Variants in SHISA9 observed in about 807,000 individuals in gnomAD.
SHISA9 encodes the protein shisa family member 9, also known as protein shisa-9.
Under a neutral mutation model 38.0 loss-of-function variants are expected in SHISA9, and 13 were observed. The ratio of observed to expected loss-of-function variants is 0.34; its 90% CI spans 0.22 to 0.54. SHISA9 has a LOEUF of 0.54. SHISA9 is among the 20% of genes least tolerant of loss of function. The pLI, the probability that SHISA9 is intolerant of heterozygous loss-of-function variation, is 0.91. For synonymous variants in SHISA9, 275 were observed against 242.0 expected, an observed-to-expected ratio of 1.14 and a Z score of -1.27; for missense variants, 538 against 575.8, an observed-to-expected ratio of 0.93 and a Z score of 0.67.
the SHISA9 span, among the ~76,000 whole-genome samples, chr16:13,382,815 G>A: frequency 6.6e-6 from 1 of 152,298 alleles, no homozygotes; most frequent in South Asian, 2.1e-4. Flanking sequence ...CCGAGATCAT[G>A]CCACTGCACT....
intron 2 of SHISA9, among the ~76,000 whole-genome samples, chr16:13,106,490 A>G (rs951246004): frequency 6.6e-6 from 1 of 152,150 alleles, no homozygotes; most frequent in Non-Finnish European, 1.5e-5. Flanking sequence ...GACATGATGC[A>G]TGTTTGGTGT....
intron 2 of SHISA9, among the ~76,000 whole-genome samples, chr16:12,975,660 G>GC (rs1279582978): frequency 6.7e-6 from 1 of 149,086 alleles, no homozygotes; most frequent in Non-Finnish European, 1.5e-5. Context: ...CGGGGGCGGG[G>GC]GGGGTAAGGG....
At chr16:13,069,872 G>T (rs1486900970) in intron 2 of SHISA9, among the ~76,000 whole-genome samples, 1 of 152,154 alleles carries the variant, frequency 6.6e-6, no homozygotes, top group Non-Finnish European at 1.5e-5. Context: ...AGGACACAGT[G>T]AGAAGAGAGG....
the SHISA9 span, among the ~76,000 whole-genome samples, chr16:13,475,835 C>G: frequency 6.6e-6 from 1 of 152,152 alleles, no homozygotes; most frequent in African/African-American, 2.4e-5. Flanking sequence ...GTTAGATTTT[C>G]ATAAGGAACA....
chr16:13,032,249 C>T (rs1373845747), intron 2 of SHISA9, among the ~76,000 whole-genome samples: 2 of 152,072 alleles, frequency 1.3e-5, no homozygotes, highest in African/African-American at 4.8e-5. Context: ...GGTTCAATTC[C>T]CACTTATGAG....
chr16:13,301,829 C>A, the SHISA9 span, among the ~76,000 whole-genome samples: 74 of 152,274 alleles, frequency 4.9e-4, 1 homozygote, highest in Middle Eastern at 0.024. Flanking sequence ...CTGACTCTAC[C>A]AAACTTATTC....
At chr16:13,458,555 A>G in the SHISA9 span, 2 of 424,866 alleles carry the variant, frequency 4.7e-6, no homozygotes, top group Non-Finnish European at 9.4e-6. Context: ...AATCAAAATG[A>G]TGAACTTGAA....
the SHISA9 span, among the ~76,000 whole-genome samples, chr16:13,521,098 C>A: frequency 2.0e-5 from 3 of 152,202 alleles, no homozygotes; most frequent in Non-Finnish European, 4.4e-5. Context: ...CCACTGATGT[C>A]TCATCAGTGA....
At chr16:13,407,022 C>A in the SHISA9 span, among the ~76,000 whole-genome samples, 1 of 129,656 alleles carries the variant, frequency 7.7e-6, no homozygotes, top group African/African-American at 3.0e-5. Context: ...GAGCTGAGAT[C>A]GTGCCATTGC....
At chr16:12,921,299 A>G (rs1320567492) in intron 2 of SHISA9, among the ~76,000 whole-genome samples, 1 of 152,076 alleles carries the variant, frequency 6.6e-6, no homozygotes, top group Non-Finnish European at 1.5e-5. Flanking sequence ...TCACACCCTG[A>G]CTCTCCTAGG....
intron 2 of SHISA9, among the ~76,000 whole-genome samples, chr16:13,123,050 A>G (rs1481844879): frequency 6.6e-6 from 1 of 152,208 alleles, no homozygotes; most frequent in Non-Finnish European, 1.5e-5. Context: ...CCATCTCAAA[A>G]AAGATATTAT....
chr16:13,060,079 T>C (rs77410553), intron 2 of SHISA9, among the ~76,000 whole-genome samples: 181 of 152,312 alleles, frequency 1.2e-3, no homozygotes, highest in African/African-American at 4.0e-3. Context: ...AGAGAGATCA[T>C]GACCTTCACC....
chr16:13,429,086 A>G, the SHISA9 span, among the ~76,000 whole-genome samples: 4 of 152,160 alleles, frequency 2.6e-5, no homozygotes, highest in Non-Finnish European at 5.9e-5. Context: ...AAAGATCACT[A>G]GGCAGCTGGG....
intron 1 of SHISA9, chr16:12,910,491 C>G (rs976808101): frequency 1.0e-6 from 1 of 985,268 alleles, no homozygotes; most frequent in Non-Finnish European, 1.2e-6. Context: ...GTTGAGCCAG[C>G]ACTTTTATAA....
intron 2 of SHISA9, among the ~76,000 whole-genome samples, chr16:12,946,802 G>C (rs116087231): frequency 0.042 from 6,431 of 152,340 alleles, 418 homozygotes; most frequent in African/African-American, 0.15. Flanking sequence ...ATTTGAGCAG[G>C]GCACTGCATG....
At chr16:13,077,081 G>T (rs2073591052) in intron 2 of SHISA9, among the ~76,000 whole-genome samples, 1 of 152,166 alleles carries the variant, frequency 6.6e-6, no homozygotes, top group Non-Finnish European at 1.5e-5. Flanking sequence ...CAGATGCCAA[G>T]GGCAAAAGTA....
the SHISA9 span, among the ~76,000 whole-genome samples, chr16:13,503,680 G>T: frequency 1.2e-5 from 1 of 84,804 alleles, no homozygotes; most frequent in Non-Finnish European, 2.4e-5. Flanking sequence ...TTGATGGAAG[G>T]AGTGACCAAA....
rs191368645 is a variant in SHISA9 at position 13,034,163 on chromosome 16, T to A, written c.691+117348T>A. On this transcript the variant is annotated intron_variant, in intron 2 of 4. Coordinates refer to ENST00000558583, the MANE Select transcript of SHISA9 (RefSeq NM_001145204.3). Reference sequence around the variant, plus strand: ...CTCCATCTCAAAAAAAAAAAAAAAATACCTCCATCTGAGACGAGCATCTTT... The same window carrying A: ...CTCCATCTCAAAAAAAAAAAAAAAAAACCTCCATCTGAGACGAGCATCTTT... Among the ~76,000 whole-genome samples, 267 of 129,044 alleles carry A rather than the reference T, an allele frequency of 2.1e-3. 2 individuals carry two copies. Among genetic ancestry groups the A allele is most frequent in the African/African-American group, 9.2e-3 (256 of 27,940 alleles). 84.7% of individuals were successfully genotyped at this position (129,044 alleles called of 152,430 possible).
At position 13,237,461 on chromosome 16, in the gene SHISA9, G is replaced by A. The variant is rs1357022975; in HGVS notation, c.*2052G>A. On this transcript the variant is annotated 3_prime_UTR_variant, in exon 5 of 5. Transcript: ENST00000558583. The stretch of plus-strand genomic sequence containing the variant: ...GTGGATCATCTGAGGTCAGGAGTTT[G>A]AGATCAGCCTGGTCAACATGGTGAA... 6.6e-6 allele frequency: 1 copy of A among 152,042 alleles called. No individual in the cohort carries two copies. Among genetic ancestry groups the A allele is most frequent in the African/African-American group, 2.4e-5 (1 of 41,414 alleles). The allele number at this position is 152,042 out of a possible 1,614,324, so 9.4% of individuals were successfully genotyped here. A position where few individuals can be genotyped will look rare whatever the true frequency, so the allele number is the denominator to read the frequency against.
Sources: allele counts gnomAD v4.1 joint callset (sites outside exome capture counted in the v4.1 genomes callset), GRCh38; gene constraint gnomAD v4.1.1; transcripts MANE v1.5; gene names NCBI Gene and HGNC (gene_info 2026-07-23, HGNC 2026-07-21).